The following RELL1 variants were observed in gnomAD, a reference collection of about 807,000 sequenced individuals.
The protein encoded by RELL1 is RELT like 1.
RELL1 carries 10 observed loss-of-function variants against 23.0 expected under a neutral mutation model. The observed-to-expected ratio is 0.43, with a 90% CI of 0.27 to 0.74. RELL1 has a LOEUF of 0.74. Among genes scored for constraint, RELL1 ranks in the 30% least tolerant of loss-of-function variants. The pLI is 0.19. For missense variants in RELL1, 315 were observed against 364.4 expected, an observed-to-expected ratio of 0.86 and a Z score of 1.10; for synonymous variants, 146 against 146.8, an observed-to-expected ratio of 0.99 and a Z score of 0.04.
chr4:37,668,623 C>T (rs1721631258), intron 1 of RELL1, among the ~76,000 whole-genome samples: 1 of 152,138 alleles, frequency 6.6e-6, no homozygotes, highest in Non-Finnish European at 1.5e-5. Flanking sequence ...ATTGCAGCCT[C>T]TGCCCGGCCG....
At chr4:37,644,893 G>C (rs975623850) in intron 3 of RELL1, among the ~76,000 whole-genome samples, 1 of 152,166 alleles carries the variant, frequency 6.6e-6, no homozygotes, top group Non-Finnish European at 1.5e-5. Flanking sequence ...ACTACAGTAA[G>C]TGGTTAAAAT....
At chr4:37,631,237 T>TC in intron 6 of RELL1, 148 bp downstream of exon 6, 1 of 852,804 alleles carries the variant, frequency 1.2e-6, no homozygotes, top group East Asian at 2.6e-5. Context: ...TCATGTTCAG[T>TC]CCCCCTCAGT....
intron 6 of RELL1, among the ~76,000 whole-genome samples, chr4:37,622,284 A>T (rs1719795044): frequency 6.6e-6 from 1 of 152,252 alleles, no homozygotes; most frequent in Non-Finnish European, 1.5e-5. Flanking sequence ...ACACAGATAT[A>T]TTGCATAAGC....
chr4:37,598,252 CAAAAAAAAAAAAAAAAA>C (rs56142508), intron 6 of RELL1, among the ~76,000 whole-genome samples: 189 of 11,348 alleles, frequency 0.017, 3 homozygotes, highest in African/African-American at 0.066. Flanking sequence ...AACTCTGTCT[CAAAAAAAAAAAAAAAAA>C]AAAAAAAAAA....
rs760013699 is a variant in RELL1 at position 37,610,636 on chromosome 4, C to T, written c.*2710G>A. ...GGATCACCCACAAGACAACACACTG[C>T]GTTTAACATTTTTATTTTTAACTCC... On this transcript the variant is annotated 3_prime_UTR_variant, in exon 7 of 7. Coordinates refer to ENST00000454158, the MANE Select transcript of RELL1 (RefSeq NM_001085400.2). This position sits in a 1 kb window ranked among gnomAD's most constrained non-coding sequence, Gnocchi z 4.1. Among the ~76,000 whole-genome samples the T allele has an allele frequency of 5.3e-5, 8 of 152,152 alleles. No individual in the cohort carries two copies. The highest frequency in any genetic ancestry group is 7.2e-5 in the African/African-American group (3 of 41,442).
intron 5 of RELL1, 65 bp from the exon 6 acceptor site, chr4:37,631,588 G>A: frequency 2.6e-6 from 4 of 1,556,742 alleles, no homozygotes; most frequent in Admixed American, 3.8e-5. Context: ...TATGAATAAA[G>A]CAAAAATCAT....
chr4:37,642,520 T>C (rs1720564233), intron 3 of RELL1, among the ~76,000 whole-genome samples: 1 of 152,232 alleles, frequency 6.6e-6, no homozygotes, highest in East Asian at 1.9e-4. Flanking sequence ...AGAGTGCAGG[T>C]GTGGCATAAT....
intron 1 of RELL1, among the ~76,000 whole-genome samples, chr4:37,655,447 G>C (rs1236964221): frequency 6.6e-6 from 1 of 152,102 alleles, no homozygotes. Context: ...TTCTGAAAAG[G>C]GGAAATGTGA....
At position 37,685,473 on chromosome 4, in the gene RELL1, G is replaced by T. The variant is rs186396747; in HGVS notation, c.88+727C>A. ...AAAACTTACACCTCCTCTTAAGATT[G>T]ATTTCAATTAAAAACTGCTTCATCG... On this transcript the variant is annotated intron_variant, in intron 1 of 6. Transcript: ENST00000454158. 5.1e-3 allele frequency among the ~76,000 whole-genome samples: 774 copies of T among 152,282 alleles called. 5 individuals carry two copies. The highest frequency in any genetic ancestry group is 0.018 in the African/African-American group (728 of 41,550).
intron 6 of RELL1, among the ~76,000 whole-genome samples, chr4:37,599,967 A>G (rs1449375786): frequency 6.6e-6 from 1 of 152,188 alleles, no homozygotes; most frequent in African/African-American, 2.4e-5. Flanking sequence ...AAAGTAAACA[A>G]TAAATGTTAG....
intron 1 of RELL1, among the ~76,000 whole-genome samples, chr4:37,650,417 A>G (rs1406624807): frequency 1.3e-5 from 2 of 152,240 alleles, no homozygotes; most frequent in East Asian, 1.9e-4. Context: ...GGAACTGGAT[A>G]GAGTGATGAA....
At chr4:37,668,835 C>T (rs1721647279) in intron 1 of RELL1, among the ~76,000 whole-genome samples, 5 of 147,816 alleles carry the variant, frequency 3.4e-5, no homozygotes, top group African/African-American at 7.9e-5. Flanking sequence ...GGCCGCCCAT[C>T]GTCTGAGATG....
chr4:37,659,780 C>G (rs1237989150), intron 1 of RELL1, among the ~76,000 whole-genome samples: 1 of 152,142 alleles, frequency 6.6e-6, no homozygotes, highest in Non-Finnish European at 1.5e-5. Flanking sequence ...ACGAGCCCAT[C>G]CTCCATGTCC....
At chr4:37,644,279 C>T (rs1379847724) in intron 3 of RELL1, among the ~76,000 whole-genome samples, 1 of 151,920 alleles carries the variant, frequency 6.6e-6, no homozygotes, top group African/African-American at 2.4e-5. Flanking sequence ...CCCAAACACC[C>T]TCTCTGCTGT....
intron 1 of RELL1, among the ~76,000 whole-genome samples, chr4:37,654,381 C>A (rs907972164): frequency 6.6e-6 from 1 of 152,120 alleles, no homozygotes; most frequent in African/African-American, 2.4e-5. Context: ...CCCTGTTGTG[C>A]ATTATAAAGA....
intron 1 of RELL1, among the ~76,000 whole-genome samples, chr4:37,675,598 T>C (rs1722002470): frequency 6.6e-6 from 1 of 152,198 alleles, no homozygotes; most frequent in African/African-American, 2.4e-5. Context: ...AACTGAGGGC[T>C]AAATAACATG....
At chr4:37,645,096 C>T (rs1234343859) in intron 3 of RELL1, among the ~76,000 whole-genome samples, 1 of 152,316 alleles carries the variant, frequency 6.6e-6, no homozygotes, top group Non-Finnish European at 1.5e-5. Context: ...AGTGCTATGA[C>T]GTCGATACGT....
At chr4:37,610,335 T>TAAC (rs1254558519), downstream of RELL1, among the ~76,000 whole-genome samples, 4 of 152,198 alleles carry the variant, frequency 2.6e-5, no homozygotes, top group Admixed American at 2.6e-4. The surrounding 1 kb of genome is among the most constrained non-coding windows in gnomAD (Gnocchi z 4.1). Flanking sequence ...AGTATAAATA[T>TAAC]AACTTTTTTA....
intron 2 of RELL1, among the ~76,000 whole-genome samples, chr4:37,648,234 C>T (rs895512717): frequency 2.0e-5 from 3 of 152,204 alleles, no homozygotes; most frequent in African/African-American, 7.2e-5. Flanking sequence ...TACAGAGCAT[C>T]TGGGAAGGAG....
Sources: gnomAD v4.1 joint callset for allele counts (sites outside exome capture counted in the v4.1 genomes callset) on GRCh38, gnomAD v4.1.1 for gene constraint, Gnocchi (gnomAD v3.1) non-coding constraint, MANE v1.5 for transcripts, NCBI Gene and HGNC (gene_info 2026-07-23, HGNC 2026-07-21) for gene names.